The following EDA variants were observed in gnomAD, a reference collection of about 807,000 sequenced individuals.
The protein encoded by EDA is ectodysplasin-A.
Under a neutral mutation model 23.6 loss-of-function variants are expected in EDA, and 2 were observed. The observed-to-expected ratio is 0.08, with a 90% CI of 0.03 to 0.27. The LOEUF is 0.27. Ranked by LOEUF, EDA falls within the 10% of genes least tolerant of loss-of-function variation. The pLI, the probability that EDA is intolerant of heterozygous loss-of-function variation, is 1.00. For missense variants in EDA, 229 were observed against 324.2 expected (o/e 0.71, Z 2.26); for synonymous variants, 131 against 132.0 (o/e 0.99, Z 0.05).
intron 2 of EDA, among the ~76,000 whole-genome samples, chrX:69,980,110 A>AGCTT (rs2019382844): frequency 1.8e-5 from 2 of 111,217 alleles, no homozygotes; most frequent in Admixed American, 1.9e-4. Flanking sequence ...AGGGCTTTAT[A>AGCTT]GCTTCTTTGA....
chrX:69,977,464 A>G (rs1404180753), intron 2 of EDA, among the ~76,000 whole-genome samples: 1 of 111,924 alleles, frequency 8.9e-6, no homozygotes, highest in African/African-American at 3.2e-5. Flanking sequence ...ATAAATCTAC[A>G]TGGTCAGAAA....
intron 1 of EDA, among the ~76,000 whole-genome samples, chrX:69,849,807 A>G (rs1424839864): frequency 1.8e-5 from 2 of 111,841 alleles, no homozygotes; most frequent in Admixed American, 1.9e-4. Context: ...GAAGAATTTA[A>G]GTAGTTGTAG....
intron 1 of EDA, among the ~76,000 whole-genome samples, chrX:69,941,527 T>G (rs968524429): frequency 2.7e-5 from 3 of 112,082 alleles, no homozygotes; most frequent in Non-Finnish European, 5.7e-5. Flanking sequence ...CATTATATAA[T>G]GACCTTCTTT....
At chrX:69,943,966 C>T (rs1040614560) in intron 1 of EDA, among the ~76,000 whole-genome samples, 1 of 108,049 alleles carries the variant, frequency 9.3e-6, no homozygotes, top group African/African-American at 3.4e-5. Flanking sequence ...GCCTCAGGCC[C>T]ATGGTGAGTA....
At chrX:69,680,055 T>C (rs1302059335) in intron 1 of EDA, among the ~76,000 whole-genome samples, 1 of 110,273 alleles carries the variant, frequency 9.1e-6, no homozygotes, top group East Asian at 2.9e-4. Flanking sequence ...ATCATCTTTA[T>C]TTCTGCCTTC....
intron 1 of EDA, among the ~76,000 whole-genome samples, chrX:69,938,516 G>T (rs752556770): frequency 8.9e-6 from 1 of 111,765 alleles, no homozygotes; most frequent in Non-Finnish European, 1.9e-5. Context: ...ATTAATCTCT[G>T]TCAGATGAGT....
intron 1 of EDA, among the ~76,000 whole-genome samples, chrX:69,755,804 G>A (rs760444108): frequency 8.9e-6 from 1 of 112,536 alleles, no homozygotes; most frequent in East Asian, 2.8e-4. Flanking sequence ...CTTGCAGTTC[G>A]ATCTCAGACT....
intron 1 of EDA, among the ~76,000 whole-genome samples, chrX:69,800,114 A>G (rs1339626466): frequency 8.9e-6 from 1 of 111,879 alleles, no homozygotes; most frequent in African/African-American, 3.2e-5. Context: ...TAAGCCAGAC[A>G]CAGAAAGACA....
At chrX:69,824,822 A>C in intron 1 of EDA, among the ~76,000 whole-genome samples, 1 of 57,635 alleles carries the variant, frequency 1.7e-5, no homozygotes, top group Non-Finnish European at 2.8e-5. Flanking sequence ...TCAGTATGAT[A>C]TTGGCTGTGG....
intron 1 of EDA, among the ~76,000 whole-genome samples, chrX:69,924,294 T>G (rs1259921285): frequency 8.9e-6 from 1 of 112,157 alleles, no homozygotes; most frequent in East Asian, 2.8e-4. Flanking sequence ...TTTTTATGGT[T>G]CTGGGTTTTA....
chrX:69,851,659 C>T (rs2147578053), intron 1 of EDA, among the ~76,000 whole-genome samples: 1 of 112,309 alleles, frequency 8.9e-6, no homozygotes, highest in South Asian at 3.7e-4. Flanking sequence ...TCAGTAACAT[C>T]TTTCCACCTG....
intron 1 of EDA, among the ~76,000 whole-genome samples, chrX:69,783,262 T>C (rs745647825): frequency 9.2e-6 from 1 of 108,519 alleles, no homozygotes; most frequent in South Asian, 4.0e-4. Context: ...ACAGAAGAGA[T>C]TTTTTTTTTG....
chrX:69,912,284 C>T (rs906242179), intron 1 of EDA, among the ~76,000 whole-genome samples: 6 of 111,494 alleles, frequency 5.4e-5, no homozygotes, highest in Admixed American at 9.6e-5. Flanking sequence ...GAGGGTTAGA[C>T]GCAACTTCTT....
intron 1 of EDA, among the ~76,000 whole-genome samples, chrX:69,679,412 C>G (rs902240633): frequency 1.8e-5 from 2 of 111,019 alleles, no homozygotes; most frequent in Non-Finnish European, 3.8e-5. Context: ...AGTTCCTCCT[C>G]GTACCTCTGG....
chrX:69,769,506 C>G (rs968978743), intron 1 of EDA, among the ~76,000 whole-genome samples: 1 of 111,306 alleles, frequency 9.0e-6, no homozygotes, highest in Non-Finnish European at 1.9e-5. Flanking sequence ...TAAAGCACTT[C>G]GATTTAATGT....
intron 1 of EDA, among the ~76,000 whole-genome samples, chrX:69,917,892 A>G (rs1334570072): frequency 9.0e-6 from 1 of 111,101 alleles, no homozygotes; most frequent in Non-Finnish European, 1.9e-5. Context: ...TATATATCTT[A>G]TTCTATAATG....
chrX:69,854,189 G>GTTTGT lies in EDA; in HGVS notation c.397-102820_397-102816dup, dbSNP rs751836017. ...CCACCTTCCGACAGGCCCCACTGTG[G>GTTTGT]TTTGTTTTGTTTTGTTTTGTTTGAG... On this transcript the variant is annotated intron_variant, in intron 1 of 7. Transcript: ENST00000374552. Among the ~76,000 whole-genome samples the GTTTGT allele has an allele frequency of 6.8e-4, 75 of 110,010 alleles. 1 individual carries two copies. Among genetic ancestry groups the GTTTGT allele is most frequent in the African/African-American group, 1.9e-3 (58 of 30,277 alleles).
intron 1 of EDA, among the ~76,000 whole-genome samples, chrX:69,867,666 C>T (rs753417716): frequency 2.7e-5 from 3 of 112,344 alleles, no homozygotes; most frequent in Non-Finnish European, 5.6e-5. Context: ...CAGGTGGTGC[C>T]TGCATATCAT....
At chrX:69,990,977 C>T (rs1044194200) in intron 2 of EDA, among the ~76,000 whole-genome samples, 2 of 110,770 alleles carry the variant, frequency 1.8e-5, no homozygotes, top group Non-Finnish European at 3.8e-5. Context: ...TATTTTAGCC[C>T]ATTTAGCAAG....
Sources: gnomAD v4.1 joint callset for allele counts (sites outside exome capture counted in the v4.1 genomes callset) on GRCh38, gnomAD v4.1.1 for gene constraint, MANE v1.5 for transcripts, NCBI Gene and HGNC (gene_info 2026-07-23, HGNC 2026-07-21) for gene names.